The following SV2C variants were observed in gnomAD, a reference collection of about 807,000 sequenced individuals.
SV2C encodes solute carrier family 22 member B3.
In SV2C, 49 loss-of-function variants were observed where a neutral mutation model predicts 79.7. That is an observed-to-expected ratio of 0.61 (90% CI 0.49 to 0.78). The LOEUF is 0.78. Ranked by LOEUF, SV2C falls within the 30% of genes least tolerant of loss-of-function variation. The probability of loss-of-function intolerance (pLI) is 0.00; values close to 1 mark genes in which losing one functional copy is unlikely to be tolerated. For synonymous variants in SV2C, 334 were observed against 333.2 expected (o/e 1.00, Z -0.03); for missense variants, 833 against 912.9 (o/e 0.91, Z 1.13).
rs946315342 is a variant in SV2C at position 76,291,415 on chromosome 5, T to C, written c.1248+84T>C. On this transcript the variant is annotated intron_variant, in intron 7 of 12. Coordinates refer to ENST00000502798, the MANE Select transcript of SV2C (RefSeq NM_014979.4). ...GAAGAGGGGTTTACTGGGCCTGCCC[T>C]ATGAGCGAGGTTCTTTCCTGCTGCC... is the stretch of plus-strand genomic sequence containing the variant. The C allele has an allele frequency of 4.5e-6, 5 of 1,121,332 alleles. No individual in the cohort carries two copies. The African/African-American group carries it at 7.9e-5, about 18-fold the overall frequency. The allele number at this position is 1,121,332 out of a possible 1,614,324, so 69.5% of individuals were successfully genotyped here. A position where few individuals can be genotyped will look rare whatever the true frequency, so the allele number is the denominator to read the frequency against.
chr5:76,001,603 C>A, the SV2C span, among the ~76,000 whole-genome samples: 129 of 148,588 alleles, frequency 8.7e-4, 1 homozygote, highest in African/African-American at 3.0e-3. Context: ...AAAAAAAAAT[C>A]TTTTGTCCAG....
chr5:76,243,895 G>A (rs776067242), intron 4 of SV2C, among the ~76,000 whole-genome samples: 60 of 152,180 alleles, frequency 3.9e-4, no homozygotes, highest in Non-Finnish European at 7.4e-4. Context: ...CTCTGAATAC[G>A]CCAAAAACAT....
At chr5:75,921,506 G>A in the SV2C span, 1 of 804,482 alleles carries the variant, frequency 1.2e-6, no homozygotes, top group Non-Finnish European at 2.2e-6. Context: ...TCTTGCAATG[G>A]CCAGGGCTGT....
the SV2C span, among the ~76,000 whole-genome samples, chr5:75,964,822 A>G: frequency 6.6e-6 from 1 of 152,158 alleles, no homozygotes; most frequent in African/African-American, 2.4e-5. Flanking sequence ...GTCTTGGGGT[A>G]CGGAAGGATA....
intron 4 of SV2C, among the ~76,000 whole-genome samples, chr5:76,234,809 G>A (rs1220971189): frequency 6.6e-6 from 1 of 152,126 alleles, no homozygotes; most frequent in Non-Finnish European, 1.5e-5. Flanking sequence ...CAAAAGTGTG[G>A]CCTGTGCTTA....
At chr5:76,292,580 A>C (rs1415382691) in intron 8 of SV2C, among the ~76,000 whole-genome samples, 1 of 152,134 alleles carries the variant, frequency 6.6e-6, no homozygotes, top group Non-Finnish European at 1.5e-5. Context: ...TTGGAAGCTT[A>C]AGAGTGTTAT....
chr5:75,880,128 C>A, the SV2C span, among the ~76,000 whole-genome samples: 1 of 151,978 alleles, frequency 6.6e-6, no homozygotes, highest in Non-Finnish European at 1.5e-5. Flanking sequence ...TCCCCTTAGG[C>A]CTCTGGACCT....
chr5:76,208,239 A>C (rs894622739), intron 3 of SV2C, among the ~76,000 whole-genome samples: 5 of 152,248 alleles, frequency 3.3e-5, no homozygotes, highest in African/African-American at 1.2e-4. Context: ...ATACATTTAT[A>C]ACACAAATTT....
intron 2 of SV2C, among the ~76,000 whole-genome samples, chr5:76,193,245 CT>C: frequency 6.6e-6 from 1 of 152,312 alleles, no homozygotes; most frequent in Non-Finnish European, 1.5e-5. Context: ...TGATAAGCCA[CT>C]TTCCCCAGAC....
chr5:75,873,449 G>C, the SV2C span, among the ~76,000 whole-genome samples: 3 of 151,926 alleles, frequency 2.0e-5, no homozygotes, highest in African/African-American at 7.3e-5. Flanking sequence ...TAGATTTACA[G>C]GTTCTCATAT....
chr5:76,126,341 G>A (rs1403957379), intron 1 of SV2C, among the ~76,000 whole-genome samples: 1 of 152,174 alleles, frequency 6.6e-6, no homozygotes, highest in Non-Finnish European at 1.5e-5. Context: ...TAGTTTACAG[G>A]GTTGGAGGGC....
intron 12 of SV2C, among the ~76,000 whole-genome samples, chr5:76,316,652 G>A (rs1561314027): frequency 6.6e-6 from 1 of 152,120 alleles, no homozygotes; most frequent in Non-Finnish European, 1.5e-5. Flanking sequence ...TTAGGGGTGT[G>A]TCTAAGGCAA....
the SV2C span, among the ~76,000 whole-genome samples, chr5:75,853,199 G>T: frequency 6.6e-6 from 1 of 152,036 alleles, no homozygotes; most frequent in Non-Finnish European, 1.5e-5. Context: ...TCAATAAGGG[G>T]CATAATACCG....
chr5:76,091,591 A>G lies in SV2C; in HGVS notation c.-102+8079A>G, dbSNP rs2112098009. ...ACGAACATGCCAAGTGATACAGTGT[A>G]CTGTATTTACAATCAGTTCCCCTCT... is the stretch of plus-strand genomic sequence containing the variant. On this transcript the variant is annotated intron_variant, in intron 1 of 12. Coordinates refer to ENST00000502798, the MANE Select transcript of SV2C (RefSeq NM_014979.4). 3 of 152,334 alleles carry G rather than the reference A, an allele frequency of 2.0e-5. No individual in the cohort carries two copies. In the South Asian group the frequency reaches 6.2e-4, roughly 32 times the overall value. The allele number at this position is 152,334 out of a possible 1,614,324, so 9.4% of individuals were successfully genotyped here.
chr5:76,166,062 T>A (rs1743037637), intron 2 of SV2C, among the ~76,000 whole-genome samples: 1 of 152,206 alleles, frequency 6.6e-6, no homozygotes, highest in African/African-American at 2.4e-5. Context: ...GTCCCTGGCT[T>A]ACCCAGGCCT....
At chr5:75,941,278 A>T in the SV2C span, among the ~76,000 whole-genome samples, 2 of 152,240 alleles carry the variant, frequency 1.3e-5, no homozygotes, top group Non-Finnish European at 2.9e-5. Context: ...AACTGAAAAT[A>T]CTGCCATTCA....
intron 2 of SV2C, among the ~76,000 whole-genome samples, chr5:76,180,637 C>T (rs1344598780): frequency 6.6e-6 from 1 of 152,236 alleles, no homozygotes; most frequent in Non-Finnish European, 1.5e-5. Flanking sequence ...CCTCCTCTCA[C>T]TGCCCCCTCT....
In SV2C at chr5:76,328,560, G is replaced by C. The variant is rs1048154085; in HGVS notation, c.*3013G>C. 6.6e-6 allele frequency: 1 copy of C among 152,142 alleles called. No homozygotes were observed. The highest frequency in any genetic ancestry group is 1.5e-5 in the Non-Finnish European group (1 of 68,042). The allele number at this position is 152,142 out of a possible 1,614,324, so 9.4% of individuals were successfully genotyped here. ...ACCAGAGTACAGACCTTGGAGACGC[G>C]ATAGATGGGTCCTAGCCTGACCTTC... On this transcript the variant is annotated 3_prime_UTR_variant, in exon 13 of 13. Coordinates refer to ENST00000502798, the MANE Select transcript of SV2C (RefSeq NM_014979.4).
At chr5:76,014,834 C>T in the SV2C span, among the ~76,000 whole-genome samples, 3 of 152,094 alleles carry the variant, frequency 2.0e-5, no homozygotes, top group South Asian at 2.1e-4. Flanking sequence ...TTACGACAGC[C>T]CATCTGATTG....
Sources: allele counts gnomAD v4.1 joint callset (sites outside exome capture counted in the v4.1 genomes callset), GRCh38; gene constraint gnomAD v4.1.1; transcripts MANE v1.5; gene names NCBI Gene and HGNC (gene_info 2026-07-23, HGNC 2026-07-21).